The following PI4KA variants were observed in gnomAD, a reference collection of about 807,000 sequenced individuals.
The protein encoded by PI4KA is PI4-kinase alpha.
A neutral mutation model predicts 271.4 loss-of-function variants in PI4KA; 122 were observed. The ratio of observed to expected loss-of-function variants is 0.45; its 90% confidence interval spans 0.39 to 0.52. PI4KA has a LOEUF of 0.52. Ranked by LOEUF, PI4KA falls within the 20% of genes least tolerant of loss-of-function variation. PI4KA has a pLI of 0.00. For synonymous variants in PI4KA, 1,041 were observed against 1,078.8 expected, an observed-to-expected ratio of 0.96 and a Z score of 0.69; for missense variants, 1,969 against 2,769.1, an observed-to-expected ratio of 0.71 and a Z score of 6.48.
chr22:20,846,308 G>T (rs545864654), intron 1 of PI4KA, among the ~76,000 whole-genome samples: 6 of 148,448 alleles, frequency 4.0e-5, no homozygotes, highest in Non-Finnish European at 7.5e-5. Context: ...AAAATAAATT[G>T]TATTTCTACA....
chr22:20,733,613 T>C (rs1928331715), intron 35 of PI4KA, 123 bp downstream of exon 35: 6 of 1,498,948 alleles, frequency 4.0e-6, no homozygotes, highest in South Asian at 2.5e-5. Context: ...AAGGAGGAGG[T>C]TGGTGAGCAC....
intron 19 of PI4KA, chr22:20,780,237 A>G (rs771053861): frequency 6.2e-7 from 1 of 1,614,066 alleles, no homozygotes; most frequent in South Asian, 1.1e-5. Flanking sequence ...CAGCAAACCC[A>G]CAACATACTA....
At chr22:20,802,267 G>T (rs1225642062) in intron 13 of PI4KA, among the ~76,000 whole-genome samples, 162 bp from the exon 14 acceptor site, 1 of 152,148 alleles carries the variant, frequency 6.6e-6, no homozygotes, top group Non-Finnish European at 1.5e-5. Flanking sequence ...GAGTCTAAGA[G>T]CAACAGGAAA....
At chr22:20,757,037 G>A (rs1207790352) in intron 23 of PI4KA, among the ~76,000 whole-genome samples, 1 of 152,222 alleles carries the variant, frequency 6.6e-6, no homozygotes, top group African/African-American at 2.4e-5. Context: ...CAGGTGAGCA[G>A]CAGGCTCCTG....
At chr22:20,834,793 G>A (rs1447846448) in intron 2 of PI4KA, 138 bp from the exon 3 acceptor site, 4 of 620,136 alleles carry the variant, frequency 6.5e-6, no homozygotes, top group African/African-American at 1.8e-5. Context: ...AATGTAAAGT[G>A]CATGTAAATT....
intron 19 of PI4KA, chr22:20,780,129 C>A: frequency 6.2e-7 from 1 of 1,614,142 alleles, no homozygotes; most frequent in Non-Finnish European, 8.5e-7. Flanking sequence ...CACCAAGGGC[C>A]TCATAAAAGA....
rs1006813778 is a variant in PI4KA at position 20,858,712 on chromosome 22, G to A, written c.14C>T (p.Pro5Leu). 3.5e-6 allele frequency: 5 copies of A among 1,443,224 alleles called. No homozygotes were observed. Among genetic ancestry groups the A allele is most frequent in the Non-Finnish European group, 4.5e-6 (5 of 1,104,218 alleles). The allele number at this position is 1,443,224 out of a possible 1,614,324, so 89.4% of individuals were successfully genotyped here. A position where few individuals can be genotyped will look rare whatever the true frequency, so the allele number is the denominator to read the frequency against. The change falls in exon 1 of 55, where the codon CCG becomes CTG. Residue 5 changes from proline to leucine, a missense_variant. Coordinates refer to ENST00000255882, the MANE Select transcript of PI4KA (RefSeq NM_058004.4). Reference protein sequence around the residue: MAAAPARGGGGGGGG... With the variant: MAAALARGGGGGGGG... ...GCCTCCGCCTCCGCCTCCCCGGGCC[G>A]GGGCCGCCGCCATCACCTCACGAGC...
At chr22:20,807,279 C>T in intron 10 of PI4KA, 83 bp downstream of exon 10, 2 of 814,722 alleles carry the variant, frequency 2.5e-6, no homozygotes, top group South Asian at 3.0e-5. Context: ...AAAGTGAGTA[C>T]CAGTCTGCAA....
chr22:20,721,174 G>T, intron 43 of PI4KA, 124 bp downstream of exon 43: 1 of 939,520 alleles, frequency 1.1e-6, no homozygotes, highest in Non-Finnish European at 1.7e-6. Flanking sequence ...CCAGCAAAGG[G>T]TGGGAGTGGA....
chr22:20,785,769 T>C (rs1208919310), intron 19 of PI4KA, among the ~76,000 whole-genome samples: 2 of 152,116 alleles, frequency 1.3e-5, no homozygotes, highest in African/African-American at 4.8e-5. Flanking sequence ...AAACGAACCA[T>C]ACAGTCTCAA....
At chr22:20,726,301 A>G in intron 42 of PI4KA, 187 bp downstream of exon 42, 2 of 509,864 alleles carry the variant, frequency 3.9e-6, no homozygotes, top group South Asian at 5.6e-5. Context: ...AGGGTGAGGC[A>G]GTGGGTGAAC....
intron 3 of PI4KA, among the ~76,000 whole-genome samples, chr22:20,834,129 T>C (rs758797199): frequency 5.9e-5 from 9 of 152,118 alleles, no homozygotes; most frequent in Non-Finnish European, 1.2e-4. Flanking sequence ...ACAGTGAACA[T>C]TGCTGTTGGG....
intron 44 of PI4KA, among the ~76,000 whole-genome samples, chr22:20,718,345 A>T (rs1926271920): frequency 6.6e-6 from 1 of 152,236 alleles, no homozygotes. Context: ...GGTTTTCCTG[A>T]CACCATGAGG....
At chr22:20,784,460 G>A (rs1249873573) in intron 19 of PI4KA, among the ~76,000 whole-genome samples, 1 of 152,172 alleles carries the variant, frequency 6.6e-6, no homozygotes, top group Non-Finnish European at 1.5e-5. Context: ...CCCTCTAGGG[G>A]CCAGTTTCAG....
intron 32 of PI4KA, among the ~76,000 whole-genome samples, chr22:20,736,175 G>A (rs1184669992): frequency 6.6e-6 from 1 of 152,138 alleles, no homozygotes; most frequent in African/African-American, 2.4e-5. Context: ...TGGAGGAGAC[G>A]CAGGAGTGAG....
chr22:20,784,505 G>C (rs1162009398), intron 19 of PI4KA, among the ~76,000 whole-genome samples: 2 of 152,124 alleles, frequency 1.3e-5, no homozygotes, highest in African/African-American at 4.8e-5. Context: ...ACAGCTTGGT[G>C]CTTGCTTTGT....
rs371227185 is a variant in PI4KA, at chr22:20,810,949, C to A, written c.1071+18G>T. 3.1e-6 allele frequency: 5 copies of A among 1,589,108 alleles called. No homozygotes were observed. The East Asian group carries it at 1.1e-4, about 35-fold the overall frequency. Reference sequence around the variant, plus strand: ...AAGTCAGGCTGATCTCATGGTAATGCCCTCAGAAGCGACATACCTCCATCA... The same window carrying A: ...AAGTCAGGCTGATCTCATGGTAATGACCTCAGAAGCGACATACCTCCATCA... On this transcript the variant is annotated intron_variant, in intron 9 of 54. Coordinates refer to ENST00000255882, the MANE Select transcript of PI4KA (RefSeq NM_058004.4).
At chr22:20,761,907 T>C (rs905250943) in intron 22 of PI4KA, among the ~76,000 whole-genome samples, 1 of 151,934 alleles carries the variant, frequency 6.6e-6, no homozygotes, top group African/African-American at 2.4e-5. Context: ...TGCTTGCCTA[T>C]GCACAGAAAA....
chr22:20,727,904 G>A, intron 39 of PI4KA, 40 bp from the exon 40 acceptor site: 1 of 1,501,568 alleles, frequency 6.7e-7, no homozygotes, highest in Non-Finnish European at 9.3e-7. Context: ...TGCCTCGCCA[G>A]GGAACCTGCA....
Sources: allele counts gnomAD v4.1 joint callset (sites outside exome capture counted in the v4.1 genomes callset), GRCh38; gene constraint gnomAD v4.1.1; transcripts MANE v1.5; gene names NCBI Gene and HGNC (gene_info 2026-07-23, HGNC 2026-07-21).